CADPS: variants seen among roughly 807,000 people sequenced by gnomAD.
CADPS encodes the protein calcium-dependent secretion activator 1.
Under a neutral mutation model 167.3 loss-of-function variants are expected in CADPS, and 57 were observed. The ratio of observed to expected loss-of-function variants is 0.34; its 90% CI spans 0.28 to 0.42. CADPS has a LOEUF of 0.42. Among genes scored for constraint, CADPS ranks in the 20% least tolerant of loss-of-function variants. The pLI, the probability that CADPS is intolerant of heterozygous loss-of-function variation, is 1.00. For synonymous variants in CADPS, 676 were observed against 635.3 expected (o/e 1.06, Z -0.96); for missense variants, 1,414 against 1,738.1 (o/e 0.81, Z 3.32).
rs1225940010 is a variant in CADPS, at chr3:62,663,682, T to A, written c.889-1288A>T. Among the ~76,000 whole-genome samples, 4 of 151,746 alleles carry A rather than the reference T, an allele frequency of 2.6e-5. No individual in the cohort carries two copies. The East Asian group carries it at 7.7e-4, about 29-fold the overall frequency. ...TATAGCAAATAAGTTATTTGGATTA[T>A]GATATAAACAATAACACTGGAAAAT... On this transcript the variant is annotated intron_variant, in intron 3 of 29. Coordinates refer to ENST00000383710, the MANE Select transcript of CADPS (RefSeq NM_003716.4).
At chr3:62,428,187 G>C (rs1477228834) in intron 28 of CADPS, among the ~76,000 whole-genome samples, 1 of 149,100 alleles carries the variant, frequency 6.7e-6, no homozygotes, top group Non-Finnish European at 1.5e-5. Context: ...GCTGTTAACT[G>C]TTCTCTTCTG....
intron 4 of CADPS, among the ~76,000 whole-genome samples, chr3:62,660,175 G>A (rs907515229): frequency 6.6e-6 from 1 of 152,052 alleles, no homozygotes. Flanking sequence ...ATCATGTTAA[G>A]CCTTAAAGTA....
intron 2 of CADPS, among the ~76,000 whole-genome samples, chr3:62,759,531 G>A (rs1479131779): frequency 6.6e-6 from 1 of 152,176 alleles, no homozygotes; most frequent in Non-Finnish European, 1.5e-5. Flanking sequence ...AAATAAGACA[G>A]TTTACTGATG....
At chr3:62,583,032 G>C (rs62243552) in intron 8 of CADPS, among the ~76,000 whole-genome samples, 1 of 38,778 alleles carries the variant, frequency 2.6e-5, no homozygotes, top group African/African-American at 4.2e-5. Context: ...GAGAGAACTC[G>C]AATGTAGGTT....
intron 12 of CADPS, 76 bp downstream of exon 12, chr3:62,536,369 G>T: frequency 1.6e-6 from 2 of 1,272,678 alleles, no homozygotes; most frequent in South Asian, 2.7e-5. Context: ...AAGAGCTTCT[G>T]ACATAAAGGT....
At chr3:62,590,838 A>ATATT (rs999081913) in intron 7 of CADPS, among the ~76,000 whole-genome samples, 20 of 151,806 alleles carry the variant, frequency 1.3e-4, no homozygotes, top group East Asian at 9.6e-4. Context: ...AATAAAATTT[A>ATATT]TATTTATTTA....
chr3:62,658,402 GA>G (rs1267816008), intron 4 of CADPS, among the ~76,000 whole-genome samples: 1 of 152,120 alleles, frequency 6.6e-6, no homozygotes, highest in Non-Finnish European at 1.5e-5. Flanking sequence ...GGATTGGTAT[GA>G]GGGGGAAAGT....
chr3:62,647,443 A>G (rs2068837809), intron 5 of CADPS, among the ~76,000 whole-genome samples: 1 of 152,148 alleles, frequency 6.6e-6, no homozygotes, highest in Admixed American at 6.5e-5. Context: ...TTCTTTTTCT[A>G]ACAATTTTCC....
intron 6 of CADPS, among the ~76,000 whole-genome samples, chr3:62,605,253 A>ACC (rs1553982042): frequency 1.2e-5 from 1 of 82,308 alleles, no homozygotes; most frequent in Non-Finnish European, 3.0e-5. Flanking sequence ...GGAAAAACAA[A>ACC]AAAAAAAAAA....
intron 8 of CADPS, among the ~76,000 whole-genome samples, chr3:62,580,516 C>T (rs1246854024): frequency 6.6e-6 from 1 of 150,866 alleles, no homozygotes; most frequent in Non-Finnish European, 1.5e-5. Flanking sequence ...AGCACACCAG[C>T]ATGGCACATG....
At chr3:62,807,967 G>T (rs187337034) in intron 1 of CADPS, among the ~76,000 whole-genome samples, 229 of 151,950 alleles carry the variant, frequency 1.5e-3, no homozygotes, top group South Asian at 6.2e-3. Context: ...TCCACCTCCC[G>T]GGTTCACGCG....
chr3:62,572,405 C>G (rs745821778), intron 8 of CADPS, among the ~76,000 whole-genome samples: 1 of 152,120 alleles, frequency 6.6e-6, no homozygotes, highest in Non-Finnish European at 1.5e-5. Flanking sequence ...ATAGAGGAAC[C>G]TCTTAATTGG....
At chr3:62,486,444 C>CAAAA (rs1219097343) in intron 21 of CADPS, among the ~76,000 whole-genome samples, 4 of 63,922 alleles carry the variant, frequency 6.3e-5, no homozygotes, top group Non-Finnish European at 1.1e-4. Flanking sequence ...GACTCCGTCT[C>CAAAA]AAAAAAAAAA....
intron 3 of CADPS, among the ~76,000 whole-genome samples, chr3:62,697,349 G>C (rs979180252): frequency 6.6e-5 from 10 of 152,038 alleles, no homozygotes; most frequent in African/African-American, 2.4e-4. Flanking sequence ...ACTTATGAGT[G>C]AGAGCATATG....
intron 4 of CADPS, among the ~76,000 whole-genome samples, chr3:62,661,168 C>T (rs747811613): frequency 6.6e-6 from 1 of 151,954 alleles, no homozygotes; most frequent in Non-Finnish European, 1.5e-5. Context: ...TAGCTGTAGT[C>T]ATCAACAGTA....
At chr3:62,634,638 T>C (rs935507515) in intron 6 of CADPS, among the ~76,000 whole-genome samples, 1 of 152,206 alleles carries the variant, frequency 6.6e-6, no homozygotes, top group African/African-American at 2.4e-5. Flanking sequence ...CAGAAATGAC[T>C]TTGAAATAAC....
At chr3:62,691,385 T>C (rs2079087051) in intron 3 of CADPS, among the ~76,000 whole-genome samples, 1 of 151,942 alleles carries the variant, frequency 6.6e-6, no homozygotes, top group Admixed American at 6.6e-5. Context: ...ATCATTCTGT[T>C]GGGGGATGTT....
chr3:62,872,578 G>C (rs540002050), intron 1 of CADPS, among the ~76,000 whole-genome samples: 3 of 152,128 alleles, frequency 2.0e-5, no homozygotes, highest in Admixed American at 1.3e-4. Flanking sequence ...TTAAGCTCCC[G>C]TGTAAAAATG....
At chr3:62,414,150 A>G (rs983911901) in intron 28 of CADPS, among the ~76,000 whole-genome samples, 8 of 152,226 alleles carry the variant, frequency 5.3e-5, no homozygotes, top group Non-Finnish European at 2.9e-5. Context: ...CTGGATCCAA[A>G]CAACAAGAAA....
Sources: allele counts gnomAD v4.1 joint callset (sites outside exome capture counted in the v4.1 genomes callset), GRCh38; gene constraint gnomAD v4.1.1; transcripts MANE v1.5; gene names NCBI Gene and HGNC (gene_info 2026-07-23, HGNC 2026-07-21).